Variants in MACROD2 observed in about 807,000 individuals in gnomAD.
MACROD2 encodes ADP-ribose glycohydrolase MACROD2.
MACROD2 carries 36 observed loss-of-function variants against 70.4 expected under a neutral mutation model. The observed-to-expected ratio is 0.51, with a 90% CI of 0.39 to 0.68. The LOEUF (loss-of-function observed/expected upper bound fraction) is 0.68, where lower values mean the gene tolerates loss of function less well. Among genes scored for constraint, MACROD2 ranks in the 30% least tolerant of loss-of-function variants. The pLI, the probability that MACROD2 is intolerant of heterozygous loss-of-function variation, is 0.00. For missense variants in MACROD2, 496 were observed against 538.4 expected, an observed-to-expected ratio of 0.92 and a Z score of 0.78; for synonymous variants, 172 against 178.8, an observed-to-expected ratio of 0.96 and a Z score of 0.30.
chr20:14,705,632 G>A (rs1175948057), intron 5 of MACROD2, among the ~76,000 whole-genome samples: 2 of 152,110 alleles, frequency 1.3e-5, no homozygotes, highest in African/African-American at 2.4e-5. Flanking sequence ...CTTTGGTCAC[G>A]TTTTCAGAAC....
chr20:14,622,310 G>A (rs1983877870), intron 4 of MACROD2, among the ~76,000 whole-genome samples: 1 of 152,052 alleles, frequency 6.6e-6, no homozygotes, highest in Non-Finnish European at 1.5e-5. Context: ...GGGTATCTGA[G>A]ATGTGAGCGG....
intron 4 of MACROD2, among the ~76,000 whole-genome samples, chr20:14,534,767 G>T (rs983293037): frequency 6.7e-6 from 1 of 149,884 alleles, no homozygotes; most frequent in African/African-American, 2.5e-5. Context: ...TTACTAAAGA[G>T]AACTATGAAA....
At chr20:15,260,509 AT>A (rs1023773588) in intron 6 of MACROD2, among the ~76,000 whole-genome samples, 8 of 151,748 alleles carry the variant, frequency 5.3e-5, no homozygotes, top group Non-Finnish European at 7.4e-5. Context: ...TGTATGTACC[AT>A]TTTTCTTTAT....
At chr20:15,847,994 C>T (rs2064252630) in intron 8 of MACROD2, among the ~76,000 whole-genome samples, 1 of 152,124 alleles carries the variant, frequency 6.6e-6, no homozygotes, top group Non-Finnish European at 1.5e-5. Context: ...ACCAACATAC[C>T]TCAGAGTATA....
intron 4 of MACROD2, among the ~76,000 whole-genome samples, chr20:14,582,442 A>G (rs954694759): frequency 6.6e-5 from 10 of 152,034 alleles, no homozygotes; most frequent in Admixed American, 6.6e-4. Flanking sequence ...CCTCCTCCTG[A>G]TGTCTCCCAG....
At position 16,052,995 on chromosome 20, in the gene MACROD2, A is replaced by T. The variant is rs1290902027; in HGVS notation, c.*3119A>T. Reference sequence around the variant, plus strand: ...TAGTCTGTTGCTTGCAAGGAAAAAAAAATGGCTTCTGATATCTGGTATAAA... The same window carrying T: ...TAGTCTGTTGCTTGCAAGGAAAAAATAATGGCTTCTGATATCTGGTATAAA... On this transcript the variant is annotated 3_prime_UTR_variant, in exon 18 of 18. Coordinates refer to ENST00000684519, the MANE Select transcript of MACROD2 (RefSeq NM_001351661.2). The T allele has an allele frequency of 6.6e-6, 1 of 152,656 alleles. No individual in the cohort carries two copies. Among genetic ancestry groups the T allele is most frequent in the Non-Finnish European group, 1.5e-5 (1 of 68,046 alleles). The allele number at this position is 152,656 out of a possible 1,614,324, so 9.5% of individuals were successfully genotyped here. A position where few individuals can be genotyped will look rare whatever the true frequency, so the allele number is the denominator to read the frequency against.
At chr20:15,416,909 A>T (rs972545102) in intron 6 of MACROD2, among the ~76,000 whole-genome samples, 1 of 152,084 alleles carries the variant, frequency 6.6e-6, no homozygotes, top group Admixed American at 6.6e-5. Flanking sequence ...TCTCAAAAAA[A>T]AAAAGAAGTG....
At chr20:15,679,202 A>G (rs1312597646) in intron 8 of MACROD2, among the ~76,000 whole-genome samples, 1 of 146,256 alleles carries the variant, frequency 6.8e-6, no homozygotes, top group Non-Finnish European at 1.5e-5. Context: ...ATGTCACTGC[A>G]CTCCAGCCTG....
intron 5 of MACROD2, among the ~76,000 whole-genome samples, chr20:15,168,319 A>C (rs566522918): frequency 1.3e-5 from 2 of 152,104 alleles, no homozygotes; most frequent in Admixed American, 6.6e-5. Context: ...ATTTTAATAC[A>C]TATAAATCGA....
intron 5 of MACROD2, among the ~76,000 whole-genome samples, chr20:14,809,494 A>T (rs1483291729): frequency 2.0e-5 from 3 of 152,084 alleles, no homozygotes; most frequent in Non-Finnish European, 4.4e-5. Flanking sequence ...AAACACCTAA[A>T]ATTGACACCC....
At chr20:14,669,455 AT>A (rs11480021) in intron 4 of MACROD2, among the ~76,000 whole-genome samples, 28,966 of 152,112 alleles carry the variant, frequency 0.19, 4,125 homozygotes, top group African/African-American at 0.38. Context: ...ACCTAAAGCC[AT>A]TTAGTATTTC....
intron 6 of MACROD2, among the ~76,000 whole-genome samples, chr20:15,265,184 T>C (rs2077282750): frequency 6.6e-6 from 1 of 152,188 alleles, no homozygotes; most frequent in Non-Finnish European, 1.5e-5. Flanking sequence ...CTGCAAGCTC[T>C]CCTCTCTGTG....
Position 14,718,023 on chromosome 20 carries a change from G to A in MACROD2, c.418+33064G>A, listed in dbSNP as rs1450414394. On this transcript the variant is annotated intron_variant, in intron 5 of 17. Coordinates refer to ENST00000684519, the MANE Select transcript of MACROD2 (RefSeq NM_001351661.2). The stretch of plus-strand genomic sequence containing the variant: ...CTGTGAATGTATACAGAGATGGTGC[G>A]GTGGCTCGCGCCTGTAATCCCAGCA... Among the ~76,000 whole-genome samples the A allele has an allele frequency of 3.9e-5, 6 of 152,048 alleles. No homozygotes were observed. In the East Asian group the frequency reaches 7.7e-4, roughly 20 times the overall value.
At chr20:14,812,844 C>T (rs984205717) in intron 5 of MACROD2, among the ~76,000 whole-genome samples, 19 of 152,056 alleles carry the variant, frequency 1.2e-4, no homozygotes, top group African/African-American at 4.6e-4. Context: ...AGAGTCAACC[C>T]CACAGATTAA....
At chr20:14,427,709 A>G (rs1444423018) in intron 3 of MACROD2, among the ~76,000 whole-genome samples, 2 of 152,046 alleles carry the variant, frequency 1.3e-5, no homozygotes, top group African/African-American at 2.4e-5. Flanking sequence ...TTAATGTGCA[A>G]AGGTCTGGAA....
chr20:14,834,954 ACTCT>A (rs1443230799), intron 5 of MACROD2, among the ~76,000 whole-genome samples: 1 of 151,996 alleles, frequency 6.6e-6, no homozygotes, highest in East Asian at 1.9e-4. Context: ...ACATATATAG[ACTCT>A]CTATATATAC....
intron 5 of MACROD2, among the ~76,000 whole-genome samples, chr20:15,176,441 C>A (rs1808669166): frequency 6.6e-6 from 1 of 152,104 alleles, no homozygotes; most frequent in Admixed American, 6.5e-5. Flanking sequence ...AATCAGCATG[C>A]ACTTCCTCCC....
rs114037442 is a variant in MACROD2, at chr20:15,056,160, C to T, written c.419-173780C>T. 4.1e-3 allele frequency among the ~76,000 whole-genome samples: 623 copies of T among 152,262 alleles called. 6 individuals are homozygous for T. The highest frequency in any genetic ancestry group is 0.014 in the African/African-American group (595 of 41,572). The stretch of plus-strand genomic sequence containing the variant: ...ACCCCCTCCTCTGTATGCAGACTAA[C>T]TGGAAGTCTGACATTTATGGCCAGG... On this transcript the variant is annotated intron_variant, in intron 5 of 17. Coordinates refer to ENST00000684519, the MANE Select transcript of MACROD2 (RefSeq NM_001351661.2).
intron 4 of MACROD2, among the ~76,000 whole-genome samples, chr20:14,527,492 G>C (rs567796810): frequency 8.1e-4 from 35 of 43,410 alleles, no homozygotes; most frequent in Admixed American, 6.6e-3. Context: ...ACCAACCTCT[G>C]ATTATATAGG....
Sources: allele counts gnomAD v4.1 joint callset (sites outside exome capture counted in the v4.1 genomes callset), GRCh38; gene constraint gnomAD v4.1.1; transcripts MANE v1.5; gene names NCBI Gene and HGNC (gene_info 2026-07-23, HGNC 2026-07-21).